Variants in BACC1 observed in about 807,000 individuals in gnomAD.
BACC1 encodes BPTF-associated chromatin complex component 1.
At chr17:7,016,319 C>T in the BACC1 span, 1 of 652,606 alleles carries the variant, frequency 1.5e-6, no homozygotes, top group East Asian at 2.6e-5. Context: ...CCACTCTCCA[C>T]ACTCCATCCA....
the BACC1 span, chr17:7,015,254 C>A: frequency 1.3e-5 from 18 of 1,438,574 alleles, no homozygotes; most frequent in African/African-American, 2.0e-4. Flanking sequence ...ACATTAGTTT[C>A]CCTTTGTGCG....
the BACC1 span, chr17:7,015,820 A>C: frequency 6.2e-7 from 1 of 1,614,014 alleles, no homozygotes; most frequent in African/African-American, 1.3e-5. Flanking sequence ...GGCTGCTGTG[A>C]AGCGATTTGG....
At chr17:7,016,376 G>A in the BACC1 span, 1 of 1,116,972 alleles carries the variant, frequency 9.0e-7, no homozygotes, top group Admixed American at 2.3e-5. Flanking sequence ...CCTACCAATG[G>A]GTTGGGGCCC....
chr17:7,015,939 C>G, the BACC1 span: 1 of 1,396,900 alleles, frequency 7.2e-7, no homozygotes, highest in South Asian at 1.2e-5. Context: ...ACCCAAGGTT[C>G]CATCGTCCTC....
At chr17:7,015,572 T>G in the BACC1 span, 1 of 1,419,558 alleles carries the variant, frequency 7.0e-7, no homozygotes, top group Non-Finnish European at 9.2e-7. Flanking sequence ...TGGTTGTGAT[T>G]TCTTGTGATT....
the BACC1 span, chr17:7,016,668 TAAAG>T: frequency 6.2e-7 from 1 of 1,611,400 alleles, no homozygotes; most frequent in Non-Finnish European, 8.5e-7. Flanking sequence ...GGTCCCCCCA[TAAAG>T]AAACAGAAGG....
At chr17:7,015,770 A>G in the BACC1 span, 1 of 1,611,244 alleles carries the variant, frequency 6.2e-7, no homozygotes, top group Non-Finnish European at 8.5e-7. Context: ...TCCCCTTCTG[A>G]CAGTGCGAAG....
chr17:7,016,543 C>T, the BACC1 span: 1 of 1,614,144 alleles, frequency 6.2e-7, no homozygotes. Flanking sequence ...AAGATTCTGG[C>T]ATCCCCCTTC....
At chr17:7,015,881 G>T in the BACC1 span, 1 of 1,613,406 alleles carries the variant, frequency 6.2e-7, no homozygotes, top group Non-Finnish European at 8.5e-7. Context: ...ACAGTGTGAG[G>T]GAGGGTGGCT....
chr17:7,017,045 C>G, the BACC1 span: 6 of 1,590,092 alleles, frequency 3.8e-6, no homozygotes, highest in Non-Finnish European at 5.2e-6. Context: ...ACACAGCTGA[C>G]GGGGTTGGGG....
chr17:7,016,474 CCTCTT>C, the BACC1 span: 2 of 1,609,706 alleles, frequency 1.2e-6, no homozygotes, highest in East Asian at 2.2e-5. Context: ...CCTTTCCTAA[CCTCTT>C]CTCTCTTTTC....
chr17:7,015,090 CCGCCTTCACGAAGCTCGGGGAGCTGA>C, the BACC1 span: 1 of 1,570,372 alleles, frequency 6.4e-7, no homozygotes, highest in Non-Finnish European at 8.6e-7. Context: ...GCGGCCGGCG[CCGCCTTCACGAAGCTCGGGGAGCTGA>C]CGATGCAGCT....
chr17:7,015,660 AG>A, the BACC1 span: 1 of 1,343,106 alleles, frequency 7.4e-7, no homozygotes, highest in Non-Finnish European at 1.0e-6. Context: ...CATCCGTGGA[AG>A]GGGTCCCAGA....
At chr17:7,016,452 T>C in the BACC1 span, 1 of 1,588,062 alleles carries the variant, frequency 6.3e-7, no homozygotes, top group South Asian at 1.1e-5. Context: ...TCTGTTAGTC[T>C]CTCTGATGAC....
At chr17:7,017,196 G>A in the BACC1 span, 1 of 1,611,642 alleles carries the variant, frequency 6.2e-7, no homozygotes, top group African/African-American at 1.3e-5. Flanking sequence ...GGAGGTGGGA[G>A]TGGCCTTGGA....
chr17:7,015,383 C>G, the BACC1 span: 1 of 1,372,180 alleles, frequency 7.3e-7, no homozygotes. Flanking sequence ...CTGCTGCGAA[C>G]GGGTCGACCA....
the BACC1 span, chr17:7,016,812 A>G: frequency 2.6e-6 from 4 of 1,525,258 alleles, no homozygotes; most frequent in East Asian, 6.8e-5. Flanking sequence ...AGAGAGGGGC[A>G]GAGGGGAGGG....
At chr17:7,014,999 A>G in the BACC1 span, 1 of 992,020 alleles carries the variant, frequency 1.0e-6, no homozygotes, top group Non-Finnish European at 1.3e-6. This position sits in a 1 kb window ranked among gnomAD's most constrained non-coding sequence, Gnocchi z 4.5. Flanking sequence ...GGGTGGGGCT[A>G]GGGGCTCCGG....
the BACC1 span, chr17:7,016,957 G>T: frequency 6.2e-7 from 1 of 1,614,106 alleles, no homozygotes; most frequent in Non-Finnish European, 8.5e-7. Context: ...CAGTGACGTG[G>T]TGGATATTGA....
Sources: allele counts gnomAD v4.1 joint callset, GRCh38; gene constraint gnomAD v4.1.1; non-coding constraint Gnocchi (gnomAD v3.1); transcripts MANE v1.5; gene names NCBI Gene and HGNC (gene_info 2026-07-23, HGNC 2026-07-21).